Variants in SLC9A2 observed in about 807,000 individuals in gnomAD.
SLC9A2 encodes sodium/hydrogen exchanger 2.
SLC9A2 carries 42 observed loss-of-function variants against 71.7 expected under a neutral mutation model. That is an observed-to-expected ratio of 0.59 (90% CI 0.46 to 0.76). SLC9A2 has a LOEUF of 0.76. Among genes scored for constraint, SLC9A2 ranks in the 30% least tolerant of loss-of-function variants. The probability of loss-of-function intolerance (pLI) is 0.00; values close to 1 mark genes in which losing one functional copy is unlikely to be tolerated. For missense variants in SLC9A2, 829 were observed against 1,017.4 expected, an observed-to-expected ratio of 0.81 and a Z score of 2.52; for synonymous variants, 396 against 392.5, an observed-to-expected ratio of 1.01 and a Z score of -0.10.
In SLC9A2 at chr2:102,683,487, T is replaced by C; in HGVS notation, c.1222+9T>C. On this transcript the variant is annotated intron_variant, in intron 4 of 11. Transcript: ENST00000233969. Reference sequence around the variant, plus strand: ...CATGTGGCGAGCCCTGGGTAATGAGTGCTTGTTTGCTAACTGGACATATGT... The same window carrying C: ...CATGTGGCGAGCCCTGGGTAATGAGCGCTTGTTTGCTAACTGGACATATGT... The C allele has an allele frequency of 1.9e-6, 3 of 1,606,700 alleles. No homozygotes were observed. Among genetic ancestry groups the C allele is most frequent in the Non-Finnish European group, 2.6e-6 (3 of 1,173,294 alleles).
intron 8 of SLC9A2, 129 bp from the exon 9 acceptor site, chr2:102,702,277 A>G: frequency 1.8e-6 from 1 of 569,082 alleles, no homozygotes. Flanking sequence ...ATTTTAAGTT[A>G]TTGAATAATC....
At chr2:102,651,846 G>A (rs1044383925) in intron 1 of SLC9A2, among the ~76,000 whole-genome samples, 10 of 152,170 alleles carry the variant, frequency 6.6e-5, no homozygotes, top group African/African-American at 2.2e-4. Context: ...CCTTTTTCTC[G>A]ATCATATATA....
intron 1 of SLC9A2, among the ~76,000 whole-genome samples, chr2:102,624,668 C>T (rs529900719): frequency 6.6e-6 from 1 of 152,180 alleles, no homozygotes; most frequent in African/African-American, 2.4e-5. Flanking sequence ...TGGCCTATTT[C>T]CATCTCCTTT....
At chr2:102,632,120 A>G (rs12997901) in intron 1 of SLC9A2, among the ~76,000 whole-genome samples, 2 of 113,522 alleles carry the variant, frequency 1.8e-5, no homozygotes, top group Admixed American at 9.1e-5. Flanking sequence ...ATGTATATAT[A>G]CATATATACA....
At chr2:102,703,017 G>A (rs4851635) in intron 9 of SLC9A2, among the ~76,000 whole-genome samples, 118,206 of 151,988 alleles carry the variant, frequency 0.78, 45,984 homozygotes, top group Admixed American at 0.79. Context: ...TAATCCTCCA[G>A]TGAGTGGTAG....
intron 5 of SLC9A2, among the ~76,000 whole-genome samples, chr2:102,693,601 C>A (rs952674657): frequency 6.6e-6 from 1 of 152,174 alleles, no homozygotes; most frequent in Non-Finnish European, 1.5e-5. Context: ...CCTCTCACTG[C>A]GGTGCTTTGC....
intron 7 of SLC9A2, among the ~76,000 whole-genome samples, chr2:102,699,897 C>T (rs1172283438): frequency 2.0e-5 from 3 of 152,012 alleles, no homozygotes; most frequent in Admixed American, 2.0e-4. Context: ...GAATCCAAAC[C>T]TCTTCTTTTT....
intron 1 of SLC9A2, among the ~76,000 whole-genome samples, chr2:102,640,311 G>T (rs1258121659): frequency 2.0e-5 from 3 of 152,198 alleles, no homozygotes; most frequent in African/African-American, 7.2e-5. Flanking sequence ...CAGCAGCCTG[G>T]TATCCTAAAA....
chr2:102,639,869 A>G (rs987139146), intron 1 of SLC9A2, among the ~76,000 whole-genome samples: 3 of 152,244 alleles, frequency 2.0e-5, no homozygotes, highest in African/African-American at 7.2e-5. Flanking sequence ...TTACAACTTT[A>G]ATGAAATTGA....
rs535171410 is a variant in SLC9A2, at chr2:102,665,497, G to A, written c.1004+147G>A. 2.8e-5 allele frequency: 25 copies of A among 889,922 alleles called. No individual in the cohort carries two copies. In the East Asian group the frequency reaches 4.9e-4, roughly 17 times the overall value. The allele number at this position is 889,922 out of a possible 1,614,324, so 55.1% of individuals were successfully genotyped here. ...AAAATTAAAAATAGATTTTTCGGAC[G>A]GGCACAGTGGCTCACGCCTGTAATC... On this transcript the variant is annotated intron_variant, in intron 3 of 11. Coordinates refer to ENST00000233969, the MANE Select transcript of SLC9A2 (RefSeq NM_003048.6).
chr2:102,631,446 G>A (rs1414060364), intron 1 of SLC9A2, among the ~76,000 whole-genome samples: 5 of 151,984 alleles, frequency 3.3e-5, no homozygotes, highest in African/African-American at 9.7e-5. Context: ...CATAGGTCAC[G>A]CATCTGTGTC....
At chr2:102,623,587 T>C (rs780996066) in intron 1 of SLC9A2, among the ~76,000 whole-genome samples, 16 of 152,220 alleles carry the variant, frequency 1.1e-4, no homozygotes, top group Non-Finnish European at 2.9e-5. Context: ...ACTTTTGTTC[T>C]GAAAAAGCTG....
intron 10 of SLC9A2, among the ~76,000 whole-genome samples, chr2:102,705,252 C>T (rs750917144): frequency 2.6e-5 from 4 of 151,896 alleles, no homozygotes; most frequent in Non-Finnish European, 4.4e-5. Context: ...TTTCACATAG[C>T]AAGAATTGAG....
rs1678102401 is a variant in SLC9A2, at chr2:102,711,147, A to T, written c.*2658A>T. On this transcript the variant is annotated 3_prime_UTR_variant, in exon 12 of 12. Transcript: ENST00000233969. ...GGGCGGTGAGGGTATTGATTTACATAAAAACTGTAGACAAACACAGTACGA... is the reference window on the plus strand; with the variant it reads ...GGGCGGTGAGGGTATTGATTTACATTAAAACTGTAGACAAACACAGTACGA... 6.6e-6 allele frequency: 1 copy of T among 152,350 alleles called. No individual in the cohort carries two copies. The highest frequency in any genetic ancestry group is 1.5e-5 in the Non-Finnish European group (1 of 68,038). The allele number at this position is 152,350 out of a possible 1,614,324, so 9.4% of individuals were successfully genotyped here. A position where few individuals can be genotyped will look rare whatever the true frequency, so the allele number is the denominator to read the frequency against.
rs774907026 is a variant in SLC9A2 at position 102,708,111 on chromosome 2, C to T, written c.2069-8C>T. The T allele has an allele frequency of 5.6e-6, 9 of 1,604,574 alleles. No individual in the cohort carries two copies. The highest frequency in any genetic ancestry group is 1.3e-5 in the African/African-American group (1 of 74,492). Reference sequence around the variant, plus strand: ...TGCTTGCCCACCTTGTCTTTTGCTCCGTGATAGATGGCAATAGCAGCGACT... The same window carrying T: ...TGCTTGCCCACCTTGTCTTTTGCTCTGTGATAGATGGCAATAGCAGCGACT... On this transcript the variant is annotated splice_polypyrimidine_tract_variant and splice_region_variant and intron_variant, in intron 11 of 11. Coordinates refer to ENST00000233969, the MANE Select transcript of SLC9A2 (RefSeq NM_003048.6).
In SLC9A2 at chr2:102,665,467, T is replaced by C. The variant is rs546311352; in HGVS notation, c.1004+117T>C. The C allele has an allele frequency of 1.4e-5, 17 of 1,188,588 alleles. No individual in the cohort carries two copies. The African/African-American group carries it at 2.0e-4, about 14-fold the overall frequency. The allele number at this position is 1,188,588 out of a possible 1,614,324, so 73.6% of individuals were successfully genotyped here. Reference sequence around the variant, plus strand: ...GAAACACTAGGTTTTCTTATTCTTTTAAGAAAAATTAAAAATAGATTTTTC... The same window carrying C: ...GAAACACTAGGTTTTCTTATTCTTTCAAGAAAAATTAAAAATAGATTTTTC... On this transcript the variant is annotated intron_variant, in intron 3 of 11. Coordinates refer to ENST00000233969, the MANE Select transcript of SLC9A2 (RefSeq NM_003048.6).
chr2:102,660,813 A>G (rs60818734), intron 2 of SLC9A2, among the ~76,000 whole-genome samples: 24,525 of 152,196 alleles, frequency 0.16, 2,468 homozygotes, highest in East Asian at 0.34. Context: ...ACGGACCATG[A>G]TGCATACGGC....
intron 5 of SLC9A2, among the ~76,000 whole-genome samples, chr2:102,688,923 A>G (rs932005144): frequency 1.3e-5 from 2 of 152,204 alleles, no homozygotes; most frequent in African/African-American, 4.8e-5. Context: ...GAAGTCCATC[A>G]AGTGGGAAAG....
At chr2:102,696,102 A>AG (rs1271349055) in intron 7 of SLC9A2, among the ~76,000 whole-genome samples, 3 of 151,874 alleles carry the variant, frequency 2.0e-5, no homozygotes, top group Non-Finnish European at 4.4e-5. Flanking sequence ...GCCAGCCCCC[A>AG]CTTGCTAGTG....
Sources: gnomAD v4.1 joint callset for allele counts (sites outside exome capture counted in the v4.1 genomes callset) on GRCh38, gnomAD v4.1.1 for gene constraint, MANE v1.5 for transcripts, NCBI Gene and HGNC (gene_info 2026-07-23, HGNC 2026-07-21) for gene names.